Variants in PUS10 observed in about 807,000 individuals in gnomAD.
PUS10 encodes the protein pseudouridine synthase 10.
A neutral mutation model predicts 75.0 loss-of-function variants in PUS10; 59 were observed. That is an observed-to-expected ratio of 0.79 (90% CI 0.64 to 0.98). PUS10 has a LOEUF of 0.98. PUS10 is among the 50% of genes least tolerant of loss of function. The pLI is 0.00. For synonymous variants in PUS10, 219 were observed against 211.6 expected, an observed-to-expected ratio of 1.03 and a Z score of -0.30; for missense variants, 650 against 614.4, an observed-to-expected ratio of 1.06 and a Z score of -0.61.
At chr2:60,945,364 C>G (rs1674880357) in intron 16 of PUS10, among the ~76,000 whole-genome samples, 1 of 152,182 alleles carries the variant, frequency 6.6e-6, no homozygotes, top group Admixed American at 6.5e-5. Flanking sequence ...TATAGCTCAT[C>G]TCCAAGTGCC....
chr2:60,974,557 G>C (rs1368647123), intron 4 of PUS10, among the ~76,000 whole-genome samples: 1 of 152,222 alleles, frequency 6.6e-6, no homozygotes, highest in Non-Finnish European at 1.5e-5. Context: ...GAGAGGAAGA[G>C]AAGAGCTGTG....
intron 2 of PUS10, chr2:61,009,803 G>A (rs970368773): frequency 6.6e-6 from 1 of 152,136 alleles, no homozygotes; most frequent in African/African-American, 2.4e-5. Context: ...AATTCATTCA[G>A]ATGACAATTT....
At chr2:60,960,905 T>A (rs562016347) in intron 10 of PUS10, among the ~76,000 whole-genome samples, 47 of 148,960 alleles carry the variant, frequency 3.2e-4, no homozygotes, top group Non-Finnish European at 6.4e-4. Flanking sequence ...AAAGCTACAG[T>A]AAGGCAGGTA....
Position 60,955,032 on chromosome 2 carries a change from C to A in PUS10, c.1043G>T (p.Arg348Ile). 6.3e-7 allele frequency: 1 copy of A among 1,592,908 alleles called. No individual in the cohort carries two copies. The highest frequency in any genetic ancestry group is 1.1e-5 in the South Asian group (1 of 87,166). Reference sequence around the variant, plus strand: ...TGCAGTCTTACCATTTCCTAATGTTCTCACATCTACATCTTCTCTTCCAGA... The same window carrying A: ...TGCAGTCTTACCATTTCCTAATGTTATCACATCTACATCTTCTCTTCCAGA... ...SSSGREDVDV[R>I]TLGNGRPFAI... Residue 348 changes from arginine to isoleucine, a missense_variant, in exon 12 of 18, where the codon AGA becomes ATA. Physicochemically the swap from Arg to Ile is moderately conservative, Grantham distance 97. Transcript: ENST00000316752.
intron 12 of PUS10, 115 bp from the exon 13 acceptor site, chr2:60,954,273 T>G: frequency 3.6e-6 from 3 of 843,560 alleles, no homozygotes; most frequent in Non-Finnish European, 5.8e-6. Flanking sequence ...GGACTGAAAG[T>G]TTAGTGACAT....
chr2:60,992,111 A>C (rs1291797415), intron 4 of PUS10, among the ~76,000 whole-genome samples: 1 of 151,718 alleles, frequency 6.6e-6, no homozygotes, highest in Non-Finnish European at 1.5e-5. Context: ...TCCTGGGTTC[A>C]AGCGATTCTC....
At chr2:60,997,325 G>A (rs1678537075) in intron 4 of PUS10, among the ~76,000 whole-genome samples, 1 of 152,166 alleles carries the variant, frequency 6.6e-6, no homozygotes, top group Admixed American at 6.6e-5. Context: ...AAAGGACTTA[G>A]TGGGGCCAGG....
At position 61,006,626 on chromosome 2, in the gene PUS10, C is replaced by G; in HGVS notation, c.399G>C (p.Glu133Asp). The change falls in exon 4 of 18, where the codon GAG (glutamate) becomes GAC (aspartate). Residue 133 changes from glutamate (E) to aspartate (D), a missense_variant. Physicochemically the swap from Glu to Asp is conservative, Grantham distance 45. Coordinates refer to ENST00000316752, the MANE Select transcript of PUS10 (RefSeq NM_144709.4). ...AGCTGGTGAATTCAAACCCAGAGGC[C>G]TCAACCTTTTGGCACACCTGAAAAA... Reference protein sequence around the residue: ...DFIKKVCQKVEASGFEFTSLV... With the variant: ...DFIKKVCQKVDASGFEFTSLV... 6.2e-7 allele frequency: 1 copy of G among 1,612,304 alleles called. No homozygotes were observed. The highest frequency in any genetic ancestry group is 8.5e-7 in the Non-Finnish European group (1 of 1,179,328).
chr2:60,977,897 T>C (rs1047527569), intron 4 of PUS10, among the ~76,000 whole-genome samples: 9 of 152,156 alleles, frequency 5.9e-5, no homozygotes, highest in African/African-American at 1.9e-4. Flanking sequence ...GAGATTGCAA[T>C]TGAGAATGCA....
At chr2:60,974,911 G>A (rs1193235048) in intron 4 of PUS10, among the ~76,000 whole-genome samples, 1 of 152,238 alleles carries the variant, frequency 6.6e-6, no homozygotes, top group Non-Finnish European at 1.5e-5. Flanking sequence ...TAGCGGGCTA[G>A]AGAAAAACTC....
chr2:60,960,241 G>C, intron 11 of PUS10, 151 bp downstream of exon 11: 1 of 489,154 alleles, frequency 2.0e-6, no homozygotes, highest in Non-Finnish European at 3.4e-6. Context: ...GACTTTAGGA[G>C]GCCAAGGTGG....
chr2:61,010,851 G>A (rs1300433045), intron 2 of PUS10: 1 of 1,550,342 alleles, frequency 6.5e-7, no homozygotes, highest in Non-Finnish European at 8.7e-7. Flanking sequence ...GTAACTTTGG[G>A]CAGGTTGCTT....
At chr2:60,988,878 G>A (rs1558951893) in intron 4 of PUS10, among the ~76,000 whole-genome samples, 2 of 151,538 alleles carry the variant, frequency 1.3e-5, no homozygotes, top group Admixed American at 6.6e-5. Context: ...CTGACCTCAG[G>A]TGATCCACCT....
chr2:60,964,911 T>C, intron 8 of PUS10, 147 bp downstream of exon 8: 1 of 760,032 alleles, frequency 1.3e-6, no homozygotes. Context: ...AAAACAAAAA[T>C]TAATGTAGCA....
intron 4 of PUS10, among the ~76,000 whole-genome samples, chr2:60,980,301 G>A (rs1196910402): frequency 6.6e-6 from 1 of 152,184 alleles, no homozygotes; most frequent in African/African-American, 2.4e-5. Context: ...CTCCCTCTTT[G>A]AATTTGGTTT....
chr2:61,004,658 G>GTAACAT (rs1679087884), intron 4 of PUS10, among the ~76,000 whole-genome samples: 1 of 142,574 alleles, frequency 7.0e-6, no homozygotes, highest in Admixed American at 6.9e-5. Context: ...AAAAGAGAAA[G>GTAACAT]TAACATAAAA....
intron 1 of PUS10, chr2:61,017,627 C>T: frequency 3.0e-6 from 2 of 657,768 alleles, no homozygotes; most frequent in Non-Finnish European, 5.3e-6. Context: ...TAACTCAAGC[C>T]TTGTCCTGAC....
At chr2:61,014,652 T>A (rs1679849968) in intron 1 of PUS10, among the ~76,000 whole-genome samples, 2 of 152,214 alleles carry the variant, frequency 1.3e-5, no homozygotes, top group African/African-American at 2.4e-5. Context: ...ACTGCCCATA[T>A]TTTAGAAAAT....
At chr2:61,015,777 C>T (rs998852542) in intron 1 of PUS10, among the ~76,000 whole-genome samples, 2 of 152,128 alleles carry the variant, frequency 1.3e-5, no homozygotes, top group Non-Finnish European at 1.5e-5. Flanking sequence ...CTTTTCCCAG[C>T]CCATTTAATC....
Sources: allele counts gnomAD v4.1 joint callset (sites outside exome capture counted in the v4.1 genomes callset), GRCh38; gene constraint gnomAD v4.1.1; transcripts MANE v1.5; gene names NCBI Gene and HGNC (gene_info 2026-07-23, HGNC 2026-07-21).